CTNNBL1: variants seen among roughly 807,000 people sequenced by gnomAD.
CTNNBL1 encodes catenin beta like 1.
Under a neutral mutation model 72.7 loss-of-function variants are expected in CTNNBL1, and 31 were observed. That is an observed-to-expected ratio of 0.43 (90% CI 0.32 to 0.58). CTNNBL1 has a LOEUF of 0.58. Ranked by LOEUF, CTNNBL1 falls within the 20% of genes least tolerant of loss-of-function variation. The probability of loss-of-function intolerance (pLI) is 0.08; values close to 1 mark genes in which losing one functional copy is unlikely to be tolerated. For synonymous variants in CTNNBL1, 240 were observed against 267.3 expected, an observed-to-expected ratio of 0.90 and a Z score of 1.00; for missense variants, 534 against 725.1, an observed-to-expected ratio of 0.74 and a Z score of 3.03.
At chr20:37,822,250 A>G (rs1440451576) in intron 11 of CTNNBL1, among the ~76,000 whole-genome samples, 1 of 152,174 alleles carries the variant, frequency 6.6e-6, no homozygotes, top group Non-Finnish European at 1.5e-5. Context: ...GTCTTCCCTG[A>G]ACAGAGAAGA....
At chr20:37,832,027 C>G (rs1339801939) in intron 11 of CTNNBL1, among the ~76,000 whole-genome samples, 1 of 152,216 alleles carries the variant, frequency 6.6e-6, no homozygotes, top group South Asian at 2.1e-4. Context: ...TAAATAGTCA[C>G]TACCCACCTT....
intron 13 of CTNNBL1, among the ~76,000 whole-genome samples, chr20:37,853,162 A>G (rs939449494): frequency 2.0e-5 from 3 of 152,174 alleles, no homozygotes; most frequent in African/African-American, 4.8e-5. Flanking sequence ...GGCTGCAGGT[A>G]TGATCTCCAC....
chr20:37,767,256 TA>T (rs954317291), intron 6 of CTNNBL1, among the ~76,000 whole-genome samples: 3 of 151,180 alleles, frequency 2.0e-5, no homozygotes, highest in African/African-American at 2.4e-5. Flanking sequence ...TCTAGGTGAT[TA>T]AAAAAAAAGA....
intron 13 of CTNNBL1, among the ~76,000 whole-genome samples, chr20:37,847,421 C>A (rs1488870587): frequency 6.6e-6 from 1 of 152,104 alleles, no homozygotes; most frequent in African/African-American, 2.4e-5. Context: ...TTGACCTGAA[C>A]TTTTCAAGGG....
At chr20:37,787,531 A>T (rs1376754673) in intron 10 of CTNNBL1, among the ~76,000 whole-genome samples, 1 of 151,888 alleles carries the variant, frequency 6.6e-6, no homozygotes, top group Non-Finnish European at 1.5e-5. Flanking sequence ...TTTTTAGTAG[A>T]GACGGGGTTT....
rs372932469 is a variant in CTNNBL1 at position 37,830,994 on chromosome 20, A to G, written c.1214-9108A>G. 5.8e-4 allele frequency among the ~76,000 whole-genome samples: 89 copies of G among 152,320 alleles called. 1 individual carries two copies. In the Middle Eastern group the frequency reaches 0.024, roughly 41 times the overall value. Reference sequence around the variant, plus strand: ...ATAAATCAGGAACCATCTGTATTCCATTTATCCCTGACTCCAAGAATGTGG... The same window carrying G: ...ATAAATCAGGAACCATCTGTATTCCGTTTATCCCTGACTCCAAGAATGTGG... On this transcript the variant is annotated intron_variant, in intron 11 of 15. Coordinates refer to ENST00000361383, the MANE Select transcript of CTNNBL1 (RefSeq NM_030877.5).
intron 11 of CTNNBL1, among the ~76,000 whole-genome samples, chr20:37,825,490 C>T (rs1017098846): frequency 7.9e-5 from 12 of 152,060 alleles, no homozygotes; most frequent in Admixed American, 5.9e-4. Context: ...GCCTGCCCAA[C>T]GTGGTGAAAC....
chr20:37,707,689 A>G (rs1359067612), intron 1 of CTNNBL1, among the ~76,000 whole-genome samples: 1 of 152,178 alleles, frequency 6.6e-6, no homozygotes, highest in African/African-American at 2.4e-5. Context: ...TAGCACTTTT[A>G]ATATCCTTCA....
At chr20:37,765,935 G>A (rs1465356132) in intron 6 of CTNNBL1, among the ~76,000 whole-genome samples, 6 of 152,124 alleles carry the variant, frequency 3.9e-5, no homozygotes, top group South Asian at 2.1e-4. Flanking sequence ...GTGTTTTGGG[G>A]GTAGCTCTCT....
intron 4 of CTNNBL1, among the ~76,000 whole-genome samples, chr20:37,748,996 C>T (rs970614073): frequency 6.6e-6 from 1 of 152,206 alleles, no homozygotes; most frequent in African/African-American, 2.4e-5. Context: ...AGTTCACCTA[C>T]AGAAGGGTAG....
chr20:37,720,308 G>A (rs905425895), intron 1 of CTNNBL1, among the ~76,000 whole-genome samples: 2 of 152,064 alleles, frequency 1.3e-5, no homozygotes, highest in African/African-American at 4.8e-5. Context: ...GATTACAGGC[G>A]TGAGCCACTG....
intron 10 of CTNNBL1, among the ~76,000 whole-genome samples, chr20:37,793,754 G>A (rs533623736): frequency 6.6e-5 from 10 of 152,222 alleles, no homozygotes; most frequent in African/African-American, 2.2e-4. Flanking sequence ...TGTTGTTTTT[G>A]TTTAAGTGGT....
chr20:37,766,796 C>T (rs927791413), intron 6 of CTNNBL1, among the ~76,000 whole-genome samples: 9 of 152,048 alleles, frequency 5.9e-5, no homozygotes, highest in Admixed American at 1.3e-4. Context: ...TAATGGAAGA[C>T]CTTGTAAACC....
At chr20:37,795,031 G>A (rs939083241) in intron 10 of CTNNBL1, among the ~76,000 whole-genome samples, 1 of 151,532 alleles carries the variant, frequency 6.6e-6, no homozygotes, top group Non-Finnish European at 1.5e-5. Flanking sequence ...CATTGGTTTT[G>A]AGTTTATGTA....
intron 10 of CTNNBL1, among the ~76,000 whole-genome samples, chr20:37,796,673 G>T (rs2073777428): frequency 6.6e-6 from 1 of 152,046 alleles, no homozygotes; most frequent in South Asian, 2.1e-4. Context: ...ATGGTTATTT[G>T]TTGGAATAAG....
chr20:37,868,453 G>A (rs1349265077), intron 15 of CTNNBL1, among the ~76,000 whole-genome samples: 2 of 152,194 alleles, frequency 1.3e-5, no homozygotes, highest in Admixed American at 1.3e-4. Context: ...AAGGTTACAT[G>A]TGAGACAACC....
At chr20:37,731,041 G>T (rs1233787222) in intron 1 of CTNNBL1, among the ~76,000 whole-genome samples, 1 of 152,062 alleles carries the variant, frequency 6.6e-6, no homozygotes, top group Non-Finnish European at 1.5e-5. Flanking sequence ...GGTACAAGGT[G>T]ATATTTTGAT....
chr20:37,697,729 C>A (rs1016848644), intron 1 of CTNNBL1, among the ~76,000 whole-genome samples: 12 of 152,086 alleles, frequency 7.9e-5, no homozygotes, highest in Non-Finnish European at 1.6e-4. Context: ...TCCTGGTCTC[C>A]TTATTATTAT....
chr20:37,720,418 C>G (rs1002678936), intron 1 of CTNNBL1, among the ~76,000 whole-genome samples: 3 of 152,152 alleles, frequency 2.0e-5, no homozygotes, highest in Non-Finnish European at 2.9e-5. Context: ...TTTGGCCTCC[C>G]AGATTGCTAA....
Sources: allele counts gnomAD v4.1 joint callset (sites outside exome capture counted in the v4.1 genomes callset), GRCh38; gene constraint gnomAD v4.1.1; transcripts MANE v1.5; gene names NCBI Gene and HGNC (gene_info 2026-07-23, HGNC 2026-07-21).